The following RANBP2 variants were observed in gnomAD, a reference collection of about 807,000 sequenced individuals.
RANBP2 encodes RAN binding protein 2.
In RANBP2, 57 loss-of-function variants were observed where a neutral mutation model predicts 303.6. The ratio of observed to expected loss-of-function variants is 0.19; its 90% CI spans 0.15 to 0.23. RANBP2 has a LOEUF of 0.23. Ranked by LOEUF, RANBP2 falls within the 10% of genes least tolerant of loss-of-function variation. The pLI, the probability that RANBP2 is intolerant of heterozygous loss-of-function variation, is 1.00. For missense variants in RANBP2, 3,138 were observed against 3,780.8 expected (o/e 0.83, Z 4.46); for synonymous variants, 1,167 against 1,301.5 (o/e 0.90, Z 2.23).
At chr2:109,382,253 T>C in the RANBP2 span, among the ~76,000 whole-genome samples, 3 of 152,162 alleles carry the variant, frequency 2.0e-5, no homozygotes, top group South Asian at 4.1e-4. Context: ...TCCTTAACCA[T>C]AGGGTCTGTC....
At chr2:109,760,547 G>A in the RANBP2 span, among the ~76,000 whole-genome samples, 1 of 141,304 alleles carries the variant, frequency 7.1e-6, no homozygotes, top group South Asian at 2.3e-4. Context: ...CAGCCCGGCC[G>A]GCCCGGAGTC....
the RANBP2 span, among the ~76,000 whole-genome samples, chr2:109,492,803 G>A: frequency 2.6e-5 from 4 of 152,142 alleles, no homozygotes; most frequent in South Asian, 8.3e-4. Flanking sequence ...TAGTCACAGG[G>A]CCTATTATCA....
At chr2:109,156,510 A>G in the RANBP2 span, among the ~76,000 whole-genome samples, 5 of 151,852 alleles carry the variant, frequency 3.3e-5, no homozygotes, top group African/African-American at 2.4e-5. Flanking sequence ...CAGTGGTGCA[A>G]TCTTGGCTCA....
At chr2:109,379,639 T>C in the RANBP2 span, among the ~76,000 whole-genome samples, 1 of 152,222 alleles carries the variant, frequency 6.6e-6, no homozygotes, top group Admixed American at 6.5e-5. Flanking sequence ...TTCGTCATCC[T>C]CTGTTTTTAC....
chr2:109,187,361 CT>C, the RANBP2 span, among the ~76,000 whole-genome samples: 17 of 150,430 alleles, frequency 1.1e-4, no homozygotes, highest in African/African-American at 3.7e-4. Context: ...CAACCACAGA[CT>C]TTTTTTTTTT....
At chr2:108,823,230 C>T in the RANBP2 span, among the ~76,000 whole-genome samples, 1 of 152,182 alleles carries the variant, frequency 6.6e-6, no homozygotes, top group Non-Finnish European at 1.5e-5. Flanking sequence ...AATTAACACC[C>T]ATCCTCCTCA....
chr2:109,130,565 G>A, the RANBP2 span, among the ~76,000 whole-genome samples: 2 of 152,130 alleles, frequency 1.3e-5, no homozygotes, highest in South Asian at 2.1e-4. Context: ...TCCTGCCTGC[G>A]GTGTGGCTAA....
chr2:108,841,502 T>G, the RANBP2 span, among the ~76,000 whole-genome samples: 1 of 152,206 alleles, frequency 6.6e-6, no homozygotes, highest in Non-Finnish European at 1.5e-5. Context: ...AATGTCCTTC[T>G]CTATCTCTGA....
At chr2:108,732,078 ATTGTAATG>A (rs1695208126) in intron 4 of RANBP2, among the ~76,000 whole-genome samples, 1 of 152,140 alleles carries the variant, frequency 6.6e-6, no homozygotes, top group African/African-American at 2.4e-5. Context: ...TAAAATGTAT[ATTGTAATG>A]TTTTATATAT....
At chr2:109,317,289 G>C in the RANBP2 span, among the ~76,000 whole-genome samples, 1 of 152,172 alleles carries the variant, frequency 6.6e-6, no homozygotes, top group African/African-American at 2.4e-5. Flanking sequence ...TCTTGCCCAT[G>C]GTGACAGGGC....
At chr2:109,557,495 GAT>G in the RANBP2 span, among the ~76,000 whole-genome samples, 1 of 152,224 alleles carries the variant, frequency 6.6e-6, no homozygotes, top group Non-Finnish European at 1.5e-5. Context: ...ATTTGAACCA[GAT>G]TAGACTTGTT....
At chr2:108,967,279 G>T in the RANBP2 span, among the ~76,000 whole-genome samples, 1 of 152,072 alleles carries the variant, frequency 6.6e-6, no homozygotes, top group Non-Finnish European at 1.5e-5. Context: ...TCAGTTGCAG[G>T]TTCATATTTC....
chr2:109,537,326 A>G, the RANBP2 span, among the ~76,000 whole-genome samples: 4 of 152,174 alleles, frequency 2.6e-5, no homozygotes, highest in African/African-American at 9.7e-5. Flanking sequence ...TTTTCCCTTA[A>G]TGTTTGTAGT....
At chr2:109,328,018 C>G in the RANBP2 span, among the ~76,000 whole-genome samples, 2 of 152,206 alleles carry the variant, frequency 1.3e-5, no homozygotes, top group African/African-American at 4.8e-5. Context: ...TCCATATGTC[C>G]CTCCACTTTT....
At chr2:109,304,889 G>A in the RANBP2 span, among the ~76,000 whole-genome samples, 9 of 152,158 alleles carry the variant, frequency 5.9e-5, no homozygotes, top group African/African-American at 2.2e-4. Context: ...ATGGGGTGAC[G>A]CTGCTGAGGT....
chr2:108,822,947 T>C, the RANBP2 span, among the ~76,000 whole-genome samples: 1 of 151,942 alleles, frequency 6.6e-6, no homozygotes, highest in Admixed American at 6.6e-5. Context: ...TAACTCAAAT[T>C]AGAAAGGAAA....
the RANBP2 span, among the ~76,000 whole-genome samples, chr2:109,689,878 A>T: frequency 6.6e-6 from 1 of 152,156 alleles, no homozygotes; most frequent in Non-Finnish European, 1.5e-5. Flanking sequence ...AAAAGTGATA[A>T]CTGAACTCCA....
At chr2:109,274,299 G>T in the RANBP2 span, among the ~76,000 whole-genome samples, 1 of 152,032 alleles carries the variant, frequency 6.6e-6, no homozygotes, top group Non-Finnish European at 1.5e-5. Flanking sequence ...GTGCCCAAAA[G>T]AATTAAAAAA....
chr2:109,275,743 G>A, the RANBP2 span, among the ~76,000 whole-genome samples: 141 of 152,198 alleles, frequency 9.3e-4, no homozygotes, highest in African/African-American at 3.3e-3. Context: ...TTCCTCTCCC[G>A]GACAGCCGCA....
Sources: gnomAD v4.1 joint callset for allele counts (sites outside exome capture counted in the v4.1 genomes callset) on GRCh38, gnomAD v4.1.1 for gene constraint, MANE v1.5 for transcripts, NCBI Gene and HGNC (gene_info 2026-07-23, HGNC 2026-07-21) for gene names.